IL2RB: variants seen among roughly 807,000 people sequenced by gnomAD.
The protein encoded by IL2RB is interleukin-2 receptor subunit beta.
IL2RB carries 17 observed loss-of-function variants against 44.2 expected under a neutral mutation model. The observed-to-expected ratio is 0.38, with a 90% CI of 0.26 to 0.58. The LOEUF is 0.58. Ranked by LOEUF, IL2RB falls within the 20% of genes least tolerant of loss-of-function variation. The pLI, the probability that IL2RB is intolerant of heterozygous loss-of-function variation, is 0.63. For missense variants in IL2RB, 624 were observed against 685.5 expected (o/e 0.91, Z 1.00); for synonymous variants, 286 against 297.9 (o/e 0.96, Z 0.41).
intron 1 of IL2RB, among the ~76,000 whole-genome samples, chr22:37,160,411 G>A (rs1024411244): frequency 6.6e-6 from 1 of 152,192 alleles, no homozygotes; most frequent in African/African-American, 2.4e-5. Flanking sequence ...CTTCTGGGAG[G>A]GTTTGGGCAG....
intron 1 of IL2RB, among the ~76,000 whole-genome samples, chr22:37,169,969 G>A (rs571376269): frequency 3.3e-5 from 5 of 152,104 alleles, no homozygotes; most frequent in Non-Finnish European, 7.3e-5. Context: ...ATGGGTGAAT[G>A]GAAAATGGAC....
At chr22:37,164,336 G>A (rs145110704) in intron 1 of IL2RB, among the ~76,000 whole-genome samples, 4 of 152,216 alleles carry the variant, frequency 2.6e-5, no homozygotes, top group Non-Finnish European at 5.9e-5. Flanking sequence ...TGAGGAGGGG[G>A]CACGGGGGTG....
At chr22:37,157,177 A>G (rs1276319663) in intron 1 of IL2RB, among the ~76,000 whole-genome samples, 1 of 152,208 alleles carries the variant, frequency 6.6e-6, no homozygotes, top group Non-Finnish European at 1.5e-5. Flanking sequence ...GAGCAGAACA[A>G]GGAGAAAGAG....
intron 1 of IL2RB, among the ~76,000 whole-genome samples, chr22:37,155,736 G>A (rs1922657299): frequency 6.9e-6 from 1 of 145,654 alleles, no homozygotes; most frequent in African/African-American, 2.6e-5. Flanking sequence ...CTGGGTCTCA[G>A]GAGTGCTGGG....
At chr22:37,151,670 C>G (rs185126267), upstream of IL2RB, among the ~76,000 whole-genome samples, 40 of 152,232 alleles carry the variant, frequency 2.6e-4, no homozygotes, top group African/African-American at 8.7e-4. Flanking sequence ...CCCAATGTTC[C>G]TTTTAGTAGT....
Position 37,126,195 on chromosome 22 carries a change from G to C in IL2RB, c.*1901C>G, listed in dbSNP as rs1228041260. On this transcript the variant is annotated 3_prime_UTR_variant, in exon 10 of 10. Transcript: ENST00000216223. ...GCCCCAGAACACACAGCAAAGGTGT[G>C]GAGCCCCTTGTGGTCTGAAACATTC... 1 of 152,192 alleles carries C rather than the reference G, an allele frequency of 6.6e-6. No homozygotes were observed. Among genetic ancestry groups the C allele is most frequent in the African/African-American group, 2.4e-5 (1 of 41,442 alleles). The allele number at this position is 152,192 out of a possible 1,614,324, so 9.4% of individuals were successfully genotyped here.
chr22:37,161,591 G>T (rs545013114), intron 1 of IL2RB, among the ~76,000 whole-genome samples: 4 of 50,910 alleles, frequency 7.9e-5, no homozygotes, highest in East Asian at 1.8e-3. Context: ...GACCTCAGGC[G>T]GGGAGAGCAT....
intron 1 of IL2RB, among the ~76,000 whole-genome samples, chr22:37,169,288 C>A (rs1038221892): frequency 3.4e-5 from 5 of 146,966 alleles, no homozygotes; most frequent in Non-Finnish European, 7.4e-5. Context: ...CAGATGGATT[C>A]TGTTTACAGA....
intron 1 of IL2RB, among the ~76,000 whole-genome samples, chr22:37,147,101 A>G (rs981440178): frequency 6.6e-6 from 1 of 152,082 alleles, no homozygotes; most frequent in Non-Finnish European, 1.5e-5. Context: ...TGGGATCAGA[A>G]CCCAACTCCA....
At chr22:37,157,255 C>A (rs1922712354) in intron 1 of IL2RB, among the ~76,000 whole-genome samples, 1 of 152,182 alleles carries the variant, frequency 6.6e-6, no homozygotes, top group African/African-American at 2.4e-5. Flanking sequence ...CTGCTCTTCA[C>A]TGGAGGCGCC....
chr22:37,163,974 G>A (rs960597475), intron 1 of IL2RB, among the ~76,000 whole-genome samples: 4 of 152,252 alleles, frequency 2.6e-5, no homozygotes, highest in African/African-American at 9.6e-5. Flanking sequence ...GGCCGAGAGT[G>A]CCATGGCTGC....
chr22:37,152,805 A>T (rs181346072), upstream of IL2RB, among the ~76,000 whole-genome samples: 473 of 152,092 alleles, frequency 3.1e-3, 1 homozygote, highest in African/African-American at 0.011. Context: ...ACATCTATTT[A>T]CGTGCTACAT....
At chr22:37,163,480 A>G (rs1459422572) in intron 1 of IL2RB, among the ~76,000 whole-genome samples, 1 of 152,208 alleles carries the variant, frequency 6.6e-6, no homozygotes, top group African/African-American at 2.4e-5. Flanking sequence ...CCTGATGCCT[A>G]CTGAGCAAGC....
At position 37,142,487 on chromosome 22, in the gene IL2RB, G is replaced by T; in HGVS notation, c.229C>A (p.Leu77Ile). 6.2e-7 allele frequency: 1 copy of T among 1,614,158 alleles called. No homozygotes were observed. Among genetic ancestry groups the T allele is most frequent in the Non-Finnish European group, 8.5e-7 (1 of 1,179,988 alleles). ...RRRWNQTCEL[L>I]PVSQASWACN... The stretch of plus-strand genomic sequence containing the variant: ...GCCCAGGATGCTTGACTCACGGGGA[G>T]CAGCTCACAGGTTTGGTTCCACCGC... The change falls in exon 4 of 10, where the codon CTC becomes ATC. Residue 77 changes from leucine (L) to isoleucine (I), a missense_variant. This residue lies in a region of IL2RB where 255 missense variants were observed against 339.9 expected (regional missense o/e 0.75). Transcript: ENST00000216223.
At chr22:37,134,676 G>A (rs906300260) in intron 8 of IL2RB, among the ~76,000 whole-genome samples, 3 of 152,160 alleles carry the variant, frequency 2.0e-5, no homozygotes, top group Non-Finnish European at 4.4e-5. Flanking sequence ...GTATCTGTAG[G>A]GGGTAGGGAG....
At position 37,147,383 on chromosome 22, in the gene IL2RB, A is replaced by G. The variant is rs6000579; in HGVS notation, c.-34+2442T>C. 3.7e-3 allele frequency among the ~76,000 whole-genome samples: 564 copies of G among 152,240 alleles called. 5 individuals are homozygous for G. The highest frequency in any genetic ancestry group is 0.013 in the African/African-American group (543 of 41,544). ...ATCCTCCCCTCCTGGAACTCCCCAG[A>G]CGCATCTTCCCACCACGACAGCTCA... On this transcript the variant is annotated intron_variant, in intron 1 of 9. Coordinates refer to ENST00000216223, the MANE Select transcript of IL2RB (RefSeq NM_000878.5).
At chr22:37,154,093 G>A (rs539554691), upstream of IL2RB, among the ~76,000 whole-genome samples, 3 of 152,194 alleles carry the variant, frequency 2.0e-5, no homozygotes, top group South Asian at 6.2e-4. Flanking sequence ...TAGGACCAAG[G>A]GAGGGAGGTA....
At position 37,127,969 on chromosome 22, in the gene IL2RB, G is replaced by A. The variant is rs538724059; in HGVS notation, c.*127C>T. 11 of 715,246 alleles carry A rather than the reference G, an allele frequency of 1.5e-5. No individual in the cohort carries two copies. Among genetic ancestry groups the A allele is most frequent in the Non-Finnish European group, 2.1e-5 (10 of 485,382 alleles). The allele number at this position is 715,246 out of a possible 1,614,324, so 44.3% of individuals were successfully genotyped here. ...GTGCAGGACTGGGTGGGGGCCATCC[G>A]GGTGGAGAAGTCCAGCTGCAACTGG... On this transcript the variant is annotated 3_prime_UTR_variant, in exon 10 of 10. Transcript: ENST00000216223.
intron 1 of IL2RB, among the ~76,000 whole-genome samples, chr22:37,162,660 C>G (rs115555559): frequency 5.3e-4 from 80 of 152,232 alleles, no homozygotes; most frequent in Middle Eastern, 3.4e-3. Flanking sequence ...AGTCACAAAC[C>G]CATTCTGGTT....
Sources: allele counts gnomAD v4.1 joint callset (sites outside exome capture counted in the v4.1 genomes callset), GRCh38; gene constraint gnomAD v4.1.1; regional missense constraint gnomAD v4.1.1; transcripts MANE v1.5; gene names NCBI Gene and HGNC (gene_info 2026-07-23, HGNC 2026-07-21).